The following RERE variants were observed in gnomAD, a reference collection of about 807,000 sequenced individuals.
RERE encodes the protein arginine-glutamic acid dipeptide repeats protein.
Under a neutral mutation model 146.1 loss-of-function variants are expected in RERE, and 40 were observed. The ratio of observed to expected loss-of-function variants is 0.27; its 90% confidence interval spans 0.21 to 0.36. The LOEUF is 0.36. Among genes scored for constraint, RERE ranks in the 10% least tolerant of loss-of-function variants. The pLI, the probability that RERE is intolerant of heterozygous loss-of-function variation, is 1.00. For missense variants in RERE, 1,933 were observed against 2,138.7 expected (o/e 0.90, Z 1.90); for synonymous variants, 1,003 against 866.0 (o/e 1.16, Z -2.78).
intron 10 of RERE, among the ~76,000 whole-genome samples, chr1:8,485,796 C>CTT (rs58295004): frequency 1.5e-4 from 18 of 117,822 alleles, no homozygotes; most frequent in African/African-American, 4.3e-4. Flanking sequence ...TCTACAATCA[C>CTT]TTTTTTTTTT....
In RERE at chr1:8,514,945, A is replaced by G. The variant is rs528808309; in HGVS notation, c.831-6270T>C. ...AACAGTAGCTAACATTTCAGCACTT[A>G]CTATCTGTCCTAGGTGCTCTACAGT... On this transcript the variant is annotated intron_variant, in intron 7 of 22. Coordinates refer to ENST00000400908, the MANE Select transcript of RERE (RefSeq NM_001042681.2). Among the ~76,000 whole-genome samples, 17 of 152,350 alleles carry G rather than the reference A, an allele frequency of 1.1e-4. No homozygotes were observed. The South Asian group carries it at 3.5e-3, about 32-fold the overall frequency.
At chr1:8,467,865 C>T (rs1570286302) in intron 10 of RERE, among the ~76,000 whole-genome samples, 1 of 152,218 alleles carries the variant, frequency 6.6e-6, no homozygotes, top group East Asian at 1.9e-4. Context: ...AGAATGGTCT[C>T]GATCTCTTGA....
In RERE at chr1:8,355,970, GCATGCA is replaced by G. The variant is rs533346917; in HGVS notation, c.4486+124_4486+129del. ...AGGCTTGTTCCCCCACGGACCCCCT[GCATGCA>G]GGGGGAGCGAACCCACCTGCTCAAT... On this transcript the variant is annotated intron_variant, in intron 21 of 22. Transcript: ENST00000400908. The G allele has an allele frequency of 5.6e-4, 556 of 992,494 alleles. No individual in the cohort carries two copies. The African/African-American group carries it at 8.5e-3, about 15-fold the overall frequency. The allele number at this position is 992,494 out of a possible 1,614,324, so 61.5% of individuals were successfully genotyped here.
intron 16 of RERE, among the ~76,000 whole-genome samples, chr1:8,362,415 G>A (rs1424059720): frequency 6.6e-6 from 1 of 152,194 alleles, no homozygotes; most frequent in Non-Finnish European, 1.5e-5. Flanking sequence ...TGGCTCTGGA[G>A]GGAGCCGTTC....
chr1:8,366,232 T>C (rs1641798768), intron 12 of RERE, among the ~76,000 whole-genome samples: 1 of 152,210 alleles, frequency 6.6e-6, no homozygotes, highest in South Asian at 2.1e-4. Context: ...CAAGTACTTG[T>C]TGGGTGTCTG....
Position 8,508,624 on chromosome 1 carries a change from C to T in RERE, c.879+3G>A. ...TTAAGGAAGCTATGAAAATGAACTTCACCTGATGACTAGGACCGACACGAA... is the reference window on the plus strand; with the variant it reads ...TTAAGGAAGCTATGAAAATGAACTTTACCTGATGACTAGGACCGACACGAA... On this transcript the variant is annotated splice_donor_region_variant and intron_variant, in intron 8 of 22. Transcript: ENST00000400908. The T allele has an allele frequency of 1.9e-6, 3 of 1,609,830 alleles. No homozygotes were observed. The highest frequency in any genetic ancestry group is 1.7e-6 in the Non-Finnish European group (2 of 1,176,236).
intron 12 of RERE, among the ~76,000 whole-genome samples, chr1:8,406,670 T>C (rs301796): frequency 0.27 from 40,861 of 152,126 alleles, 5,991 homozygotes; most frequent in Non-Finnish European, 0.32. Context: ...TAACCCAAAC[T>C]TTCTGAAAGT....
At chr1:8,544,852 G>C (rs372387543) in intron 6 of RERE, among the ~76,000 whole-genome samples, 1 of 152,162 alleles carries the variant, frequency 6.6e-6, no homozygotes, top group African/African-American at 2.4e-5. Context: ...CAAACACTGA[G>C]TATTGAGCAG....
At chr1:8,526,827 C>T (rs908882779) in intron 7 of RERE, among the ~76,000 whole-genome samples, 3 of 152,140 alleles carry the variant, frequency 2.0e-5, no homozygotes, top group African/African-American at 7.2e-5. Context: ...AATACTAAGG[C>T]AGATCCATAT....
At chr1:8,513,516 TCAA>T (rs1291786469) in intron 7 of RERE, among the ~76,000 whole-genome samples, 2 of 152,132 alleles carry the variant, frequency 1.3e-5, no homozygotes, top group Non-Finnish European at 1.5e-5. Flanking sequence ...CACCAAAAAC[TCAA>T]CAAGTTCCCG....
At chr1:8,424,198 G>T (rs917680644) in intron 11 of RERE, 2 of 152,128 alleles carry the variant, frequency 1.3e-5, no homozygotes, top group Non-Finnish European at 2.9e-5. Flanking sequence ...CTTCCGGCCC[G>T]CGATTGTGGG....
At chr1:8,677,608 G>T (rs1472041947) in intron 1 of RERE, among the ~76,000 whole-genome samples, 1 of 152,012 alleles carries the variant, frequency 6.6e-6, no homozygotes, top group Admixed American at 6.6e-5. Context: ...TATGTTTCAT[G>T]TACCATCTCC....
chr1:8,450,541 G>A (rs937463461), intron 11 of RERE, among the ~76,000 whole-genome samples: 2 of 151,934 alleles, frequency 1.3e-5, no homozygotes, highest in Non-Finnish European at 1.5e-5. Flanking sequence ...CTGATGCCTC[G>A]CACGACGTCC....
At chr1:8,643,227 GTCA>G (rs1647204807) in intron 2 of RERE, among the ~76,000 whole-genome samples, 1 of 152,136 alleles carries the variant, frequency 6.6e-6, no homozygotes, top group Non-Finnish European at 1.5e-5. Context: ...CCATGAGTAG[GTCA>G]TCACCAGGCT....
At chr1:8,683,031 C>CAAAAAAAAAAAAAAAAAAAAAAAA in intron 1 of RERE, among the ~76,000 whole-genome samples, 1 of 65,726 alleles carries the variant, frequency 1.5e-5, no homozygotes. Flanking sequence ...CTGTCTTTAC[C>CAAAAAAAAAAAAAAAAAAAAAAAA]AAAAAAAAAA....
intron 7 of RERE, among the ~76,000 whole-genome samples, chr1:8,526,979 C>G (rs1645578238): frequency 6.6e-6 from 1 of 152,120 alleles, no homozygotes. Context: ...CAAGATAGGG[C>G]AGGAAAGGGC....
intron 1 of RERE, among the ~76,000 whole-genome samples, chr1:8,755,489 C>T (rs988977757): frequency 6.6e-6 from 1 of 152,030 alleles, no homozygotes; most frequent in Non-Finnish European, 1.5e-5. Context: ...AAAAAGACCA[C>T]GAAAATTTGT....
At chr1:8,393,392 T>C (rs1159205648) in intron 12 of RERE, among the ~76,000 whole-genome samples, 1 of 152,112 alleles carries the variant, frequency 6.6e-6, no homozygotes, top group Admixed American at 6.5e-5. Context: ...ATCCACATCA[T>C]CTGGGCCTTT....
At chr1:8,756,403 A>C (rs1010646952) in intron 1 of RERE, among the ~76,000 whole-genome samples, 2 of 152,218 alleles carry the variant, frequency 1.3e-5, no homozygotes, top group African/African-American at 4.8e-5. Flanking sequence ...CTAGTGCTAT[A>C]TAATATTAGC....
Sources: allele counts gnomAD v4.1 joint callset (sites outside exome capture counted in the v4.1 genomes callset), GRCh38; gene constraint gnomAD v4.1.1; transcripts MANE v1.5; gene names NCBI Gene and HGNC (gene_info 2026-07-23, HGNC 2026-07-21).